The following PHACTR1 variants were observed in gnomAD, a reference collection of about 807,000 sequenced individuals.
PHACTR1 encodes the protein RPEL repeat containing 1.
Under a neutral mutation model 69.2 loss-of-function variants are expected in PHACTR1, and 16 were observed. The observed-to-expected ratio is 0.23, with a 90% confidence interval of 0.16 to 0.35. The LOEUF (loss-of-function observed/expected upper bound fraction) is 0.35. Ranked by LOEUF, PHACTR1 falls within the 10% of genes least tolerant of loss-of-function variation. PHACTR1 has a pLI of 1.00. For synonymous variants in PHACTR1, 312 were observed against 284.5 expected, an observed-to-expected ratio of 1.10 and a Z score of -0.97; for missense variants, 510 against 734.7, an observed-to-expected ratio of 0.69 and a Z score of 3.54.
At chr6:13,041,524 A>C (rs1804171667) in intron 4 of PHACTR1, among the ~76,000 whole-genome samples, 1 of 152,200 alleles carries the variant, frequency 6.6e-6, no homozygotes. Context: ...CTACATAAGG[A>C]AACAGGGTAA....
At position 13,239,971 on chromosome 6, in the gene PHACTR1, T is replaced by TA. The variant is rs1169068313; in HGVS notation, c.1391+9780dup. On this transcript the variant is annotated intron_variant, in intron 10 of 14. Coordinates refer to ENST00000332995, the MANE Select transcript of PHACTR1 (RefSeq NM_030948.6). ...GTCTGTACATTTTTCAGTGATACAG[T>TA]AAGTGTGGTGGACAAAGAGCTGCCT... Among the ~76,000 whole-genome samples, 4 of 151,746 alleles carry TA rather than the reference T, an allele frequency of 2.6e-5. No homozygotes were observed. In the East Asian group the frequency reaches 7.7e-4, roughly 29 times the overall value.
chr6:13,089,363 T>C (rs1223347835), intron 5 of PHACTR1, among the ~76,000 whole-genome samples: 3 of 152,130 alleles, frequency 2.0e-5, no homozygotes, highest in Admixed American at 6.5e-5. Flanking sequence ...GTGCACTCCA[T>C]TGGCCCAGAC....
chr6:13,005,981 T>C (rs543337908), intron 4 of PHACTR1, among the ~76,000 whole-genome samples: 8 of 152,314 alleles, frequency 5.3e-5, no homozygotes, highest in African/African-American at 1.9e-4. Flanking sequence ...ACCTGCTCAG[T>C]GCAAACAATT....
chr6:12,877,344 T>C (rs1479553983), intron 4 of PHACTR1, among the ~76,000 whole-genome samples: 1 of 152,192 alleles, frequency 6.6e-6, no homozygotes, highest in African/African-American at 2.4e-5. Flanking sequence ...TGAAGGTCAG[T>C]ATATGATCAA....
At chr6:13,276,556 G>C in intron 11 of PHACTR1, among the ~76,000 whole-genome samples, 1 of 152,198 alleles carries the variant, frequency 6.6e-6, no homozygotes, top group Non-Finnish European at 1.5e-5. Context: ...TGGATCACCT[G>C]AGGTCAGGAG....
intron 5 of PHACTR1, among the ~76,000 whole-genome samples, chr6:13,097,345 C>A (rs1187182265): frequency 6.6e-6 from 1 of 152,074 alleles, no homozygotes; most frequent in African/African-American, 2.4e-5. Flanking sequence ...GCCTCCTGCC[C>A]CCACCCCTCT....
In PHACTR1 at chr6:13,212,752, C is replaced by T. The variant is rs112528231; in HGVS notation, c.986+6616C>T. ...CTCGGACGTGCCGGACACCTCCTGA[C>T]GGGGCCTTGGCACTGGCTGTTCCCC... is the stretch of plus-strand genomic sequence containing the variant. On this transcript the variant is annotated intron_variant, in intron 8 of 14. Transcript: ENST00000332995. 3.0e-3 allele frequency among the ~76,000 whole-genome samples: 454 copies of T among 152,262 alleles called. 4 individuals are homozygous for T. The highest frequency in any genetic ancestry group is 0.01 in the Middle Eastern group (3 of 294).
intron 4 of PHACTR1, among the ~76,000 whole-genome samples, chr6:12,792,258 A>G (rs889815175): frequency 2.0e-5 from 3 of 152,056 alleles, no homozygotes; most frequent in East Asian, 1.9e-4. Flanking sequence ...TGAGGTCGGG[A>G]GTTCGAGACC....
chr6:13,055,229 C>T (rs894115660), intron 5 of PHACTR1, among the ~76,000 whole-genome samples: 3 of 152,120 alleles, frequency 2.0e-5, no homozygotes, highest in African/African-American at 7.2e-5. Flanking sequence ...ATTTCTAAAT[C>T]ATTACCCATA....
intron 4 of PHACTR1, among the ~76,000 whole-genome samples, chr6:12,965,321 G>A (rs61000363): frequency 3.2e-3 from 493 of 152,204 alleles, no homozygotes; most frequent in African/African-American, 0.011. Context: ...TCCTTGTGGC[G>A]TTTTCACAGC....
intron 4 of PHACTR1, among the ~76,000 whole-genome samples, chr6:12,785,534 A>G (rs1033295288): frequency 1.3e-5 from 2 of 152,180 alleles, no homozygotes; most frequent in Admixed American, 6.5e-5. Context: ...TGCTGAAGGG[A>G]GCAGAAAACC....
rs75739720 is a variant in PHACTR1, at chr6:13,031,984, A to G, written c.251-21381A>G. Among the ~76,000 whole-genome samples the G allele has an allele frequency of 8.8e-3, 1,341 of 152,314 alleles. 23 individuals are homozygous for G. The highest frequency in any genetic ancestry group is 0.03 in the African/African-American group (1,259 of 41,560). On this transcript the variant is annotated intron_variant, in intron 4 of 14. Coordinates refer to ENST00000332995, the MANE Select transcript of PHACTR1 (RefSeq NM_030948.6). ...TATCTTGAAAATATTTACAGTAAGA[A>G]CATATGTAGTTTTCTGTATCACTAT...
At chr6:13,050,920 A>G (rs1216027074) in intron 4 of PHACTR1, among the ~76,000 whole-genome samples, 1 of 152,060 alleles carries the variant, frequency 6.6e-6, no homozygotes, top group Non-Finnish European at 1.5e-5. Context: ...ACCTGGCTGA[A>G]TCCCATCTTT....
At chr6:12,977,215 G>C (rs1276985718) in intron 4 of PHACTR1, among the ~76,000 whole-genome samples, 3 of 152,174 alleles carry the variant, frequency 2.0e-5, no homozygotes, top group African/African-American at 7.2e-5. Context: ...GCCTTCCAAA[G>C]TTCTAGGATT....
intron 12 of PHACTR1, among the ~76,000 whole-genome samples, chr6:13,282,882 A>T (rs1190682718): frequency 3.5e-5 from 5 of 141,454 alleles, no homozygotes; most frequent in Non-Finnish European, 7.4e-5. Flanking sequence ...ACTGGGACTC[A>T]GCAATGTTAT....
intron 4 of PHACTR1, among the ~76,000 whole-genome samples, chr6:12,869,326 C>T (rs180759712): frequency 3.3e-4 from 50 of 152,336 alleles, no homozygotes; most frequent in Non-Finnish European, 4.4e-4. Flanking sequence ...CCAGTCCTGT[C>T]TCACACTCCA....
chr6:13,180,822 C>T lies in PHACTR1; in HGVS notation c.497-1697C>T, dbSNP rs188354194. ...CCATGATGGGATAGCGACACACTGA[C>T]GCTCAGCCCTTCCCATCCCAAAGAC... On this transcript the variant is annotated intron_variant, in intron 6 of 14. Coordinates refer to ENST00000332995, the MANE Select transcript of PHACTR1 (RefSeq NM_030948.6). Among the ~76,000 whole-genome samples, 960 of 152,294 alleles carry T rather than the reference C, an allele frequency of 6.3e-3. 4 individuals carry two copies. Among genetic ancestry groups the T allele is most frequent in the Middle Eastern group, 0.041 (12 of 294 alleles).
chr6:12,988,407 A>G (rs1054279012), intron 4 of PHACTR1, among the ~76,000 whole-genome samples: 9 of 152,216 alleles, frequency 5.9e-5, no homozygotes, highest in Admixed American at 3.9e-4. Context: ...TCTGGATGCC[A>G]TGCTAAATAT....
chr6:12,991,174 C>T (rs1796780101), intron 4 of PHACTR1, among the ~76,000 whole-genome samples: 1 of 152,140 alleles, frequency 6.6e-6, no homozygotes, highest in African/African-American at 2.4e-5. Flanking sequence ...GTCCCTTGTT[C>T]CAGGAGGGTA....
Sources: gnomAD v4.1 joint callset for allele counts (sites outside exome capture counted in the v4.1 genomes callset) on GRCh38, gnomAD v4.1.1 for gene constraint, MANE v1.5 for transcripts, NCBI Gene and HGNC (gene_info 2026-07-23, HGNC 2026-07-21) for gene names.